Variants in SLC22A16 observed in about 807,000 individuals in gnomAD.
SLC22A16 encodes the protein WUGSC:RG331P03.1.
Under a neutral mutation model 52.9 loss-of-function variants are expected in SLC22A16, and 53 were observed. The observed-to-expected ratio is 1.00, with a 90% CI of 0.80 to 1.26. The LOEUF (loss-of-function observed/expected upper bound fraction) is 1.26. Among genes scored for constraint, SLC22A16 ranks in the 50% most tolerant of loss-of-function variants. SLC22A16 has a pLI of 0.00. For missense variants in SLC22A16, 726 were observed against 704.0 expected, an observed-to-expected ratio of 1.03 and a Z score of -0.35; for synonymous variants, 291 against 268.8, an observed-to-expected ratio of 1.08 and a Z score of -0.81.
intron 7 of SLC22A16, among the ~76,000 whole-genome samples, chr6:110,427,952 T>C (rs1390980137): frequency 1.3e-5 from 2 of 152,212 alleles, no homozygotes; most frequent in Non-Finnish European, 2.9e-5. Context: ...ACAGGCTATT[T>C]CTTTCATCTG....
chr6:110,440,442 T>C (rs565846773), intron 4 of SLC22A16: 7 of 152,422 alleles, frequency 4.6e-5, no homozygotes, highest in African/African-American at 1.7e-4. Flanking sequence ...TAAATTCTTC[T>C]GATGCATTTT....
At chr6:110,444,872 T>C (rs1246364000) in intron 3 of SLC22A16, among the ~76,000 whole-genome samples, 1 of 152,226 alleles carries the variant, frequency 6.6e-6, no homozygotes, top group Admixed American at 6.5e-5. Context: ...GTGATAACTT[T>C]CAAATACTAT....
intron 1 of SLC22A16, among the ~76,000 whole-genome samples, chr6:110,472,042 G>C (rs1776277630): frequency 1.3e-5 from 2 of 152,120 alleles, no homozygotes; most frequent in African/African-American, 2.4e-5. Flanking sequence ...CTTCCCACTT[G>C]ATGTCTCCAC....
At position 110,442,411 on chromosome 6, in the gene SLC22A16, G is replaced by T. The variant is rs200658215; in HGVS notation, c.1016C>A (p.Thr339Asn). The change falls in exon 4 of 8, where the codon ACT (threonine) becomes AAT (asparagine). Residue 339 changes from threonine to asparagine, a missense_variant. Thr to Asn is a moderately conservative substitution (Grantham distance 65, BLOSUM62 0). Transcript: ENST00000368919. The stretch of plus-strand genomic sequence containing the variant: ...TGATAGGTTGTGCTTCTGAACTTCA[G>T]TGGGGCTATTACTAACAGGACCTTG... ...DLQGPVSNSP[T>N]EVQKHNLSYL... 1.3e-5 allele frequency: 21 copies of T among 1,614,114 alleles called. No individual in the cohort carries two copies. Among genetic ancestry groups the T allele is most frequent in the Non-Finnish European group, 1.8e-5 (21 of 1,180,048 alleles).
At chr6:110,443,999 T>G (rs1288962427) in intron 3 of SLC22A16, among the ~76,000 whole-genome samples, 1 of 152,076 alleles carries the variant, frequency 6.6e-6, no homozygotes, top group African/African-American at 2.4e-5. Flanking sequence ...ATGGACAGAG[T>G]TTCAGTTTTG....
intron 6 of SLC22A16, among the ~76,000 whole-genome samples, chr6:110,432,695 C>T (rs904004717): frequency 1.3e-5 from 2 of 152,222 alleles, no homozygotes; most frequent in Admixed American, 6.5e-5. Context: ...ACTTCACTCT[C>T]TATTGCATTC....
rs74667019 is a variant in SLC22A16, at chr6:110,454,086, C to T, written c.533+2452G>A. 0.011 allele frequency among the ~76,000 whole-genome samples: 1,748 copies of T among 152,250 alleles called. 55 individuals carry two copies. The East Asian group carries it at 0.14, about 12-fold the overall frequency. ...TTGCCCCCATGGCCCAAACACCTCC[C>T]ACTAGGCCTCACCTCCCAACACCGC... On this transcript the variant is annotated intron_variant, in intron 2 of 7. Transcript: ENST00000368919.
At chr6:110,475,817 T>A (rs1776446033) in intron 1 of SLC22A16, 3 of 420,998 alleles carry the variant, frequency 7.1e-6, no homozygotes, top group South Asian at 5.1e-5. Flanking sequence ...TTAAATTTTT[T>A]AAATCAATTT....
intron 1 of SLC22A16, among the ~76,000 whole-genome samples, chr6:110,472,502 C>T (rs1043275877): frequency 4.9e-4 from 74 of 152,144 alleles, no homozygotes; most frequent in African/African-American, 1.7e-3. Flanking sequence ...TTTTATACCC[C>T]CAAAATAATA....
intron 2 of SLC22A16, among the ~76,000 whole-genome samples, chr6:110,451,227 G>A (rs1775368387): frequency 1.3e-5 from 2 of 152,178 alleles, no homozygotes; most frequent in Admixed American, 6.5e-5. Flanking sequence ...GGACATCTGG[G>A]TTGTTTAGAG....
At chr6:110,465,627 A>G (rs1040000560) in intron 1 of SLC22A16, among the ~76,000 whole-genome samples, 3 of 152,204 alleles carry the variant, frequency 2.0e-5, no homozygotes, top group Admixed American at 6.5e-5. Flanking sequence ...AACACTAATG[A>G]AAGAAATCAG....
intron 3 of SLC22A16, among the ~76,000 whole-genome samples, chr6:110,446,288 C>CAG (rs1461734291): frequency 6.6e-6 from 1 of 152,122 alleles, no homozygotes; most frequent in African/African-American, 2.4e-5. Flanking sequence ...TGCTGTACTG[C>CAG]GGTTGTTTAT....
intron 6 of SLC22A16, among the ~76,000 whole-genome samples, chr6:110,433,335 C>T (rs975238843): frequency 6.6e-6 from 1 of 152,192 alleles, no homozygotes; most frequent in Non-Finnish European, 1.5e-5. Flanking sequence ...ATCCATTAAT[C>T]TATCTACAGT....
chr6:110,458,077 A>T (rs1413970730), intron 1 of SLC22A16, among the ~76,000 whole-genome samples: 2 of 152,162 alleles, frequency 1.3e-5, no homozygotes, highest in Admixed American at 1.3e-4. Context: ...TGCCTTCTAG[A>T]TAGCAGTAGC....
intron 1 of SLC22A16, among the ~76,000 whole-genome samples, chr6:110,461,351 G>A (rs1775875577): frequency 6.6e-6 from 1 of 152,186 alleles, no homozygotes; most frequent in South Asian, 2.1e-4. Flanking sequence ...TGCTGTGAAA[G>A]GGGCATGATA....
chr6:110,441,737 A>C (rs1275291766), intron 4 of SLC22A16, among the ~76,000 whole-genome samples: 2 of 152,232 alleles, frequency 1.3e-5, no homozygotes, highest in African/African-American at 4.8e-5. Flanking sequence ...TCATCAAACA[A>C]GGGCAATTTT....
intron 1 of SLC22A16, among the ~76,000 whole-genome samples, chr6:110,462,358 A>G (rs1301601482): frequency 6.6e-6 from 1 of 152,188 alleles, no homozygotes; most frequent in South Asian, 2.1e-4. Context: ...CCTAACTAAA[A>G]TGAAAATTCT....
chr6:110,452,628 A>T lies in SLC22A16; in HGVS notation c.533+3910T>A, dbSNP rs150639284. On this transcript the variant is annotated intron_variant, in intron 2 of 7. Coordinates refer to ENST00000368919, the MANE Select transcript of SLC22A16 (RefSeq NM_033125.4). ...GGCAGGAGAATTGCTTGAGCCCAGG[A>T]GTTTGAGAACAGCCTGGGCAACATA... Among the ~76,000 whole-genome samples, 9 of 152,346 alleles carry T rather than the reference A, an allele frequency of 5.9e-5. No homozygotes were observed. In the East Asian group the frequency reaches 1.7e-3, roughly 29 times the overall value.
intron 1 of SLC22A16, among the ~76,000 whole-genome samples, chr6:110,466,911 TGATAGATAGATAGATAGATA>T (rs3045569): frequency 3.3e-4 from 47 of 140,666 alleles, no homozygotes; most frequent in African/African-American, 8.7e-4. Flanking sequence ...AAAGAAAATG[TGATAGATAGATAGATAGATA>T]GATAGATAGA....
Sources: gnomAD v4.1 joint callset for allele counts (sites outside exome capture counted in the v4.1 genomes callset) on GRCh38, gnomAD v4.1.1 for gene constraint, MANE v1.5 for transcripts, NCBI Gene and HGNC (gene_info 2026-07-23, HGNC 2026-07-21) for gene names.